The following CHRDL1 variants were observed in gnomAD, a reference collection of about 807,000 sequenced individuals.
CHRDL1 encodes chordin like 1.
CHRDL1 carries 19 observed loss-of-function variants against 40.9 expected under a neutral mutation model. The observed-to-expected ratio is 0.46, with a 90% CI of 0.32 to 0.68. CHRDL1 has a LOEUF of 0.68. Ranked by LOEUF, CHRDL1 falls within the 30% of genes least tolerant of loss-of-function variation. CHRDL1 has a pLI of 0.03. For missense variants in CHRDL1, 329 were observed against 352.1 expected, an observed-to-expected ratio of 0.93 and a Z score of 0.53; for synonymous variants, 136 against 123.4, an observed-to-expected ratio of 1.10 and a Z score of -0.68.
intron 2 of CHRDL1, among the ~76,000 whole-genome samples, chrX:110,778,581 T>C (rs1264768259): frequency 9.0e-6 from 1 of 111,676 alleles, no homozygotes; most frequent in African/African-American, 3.2e-5. Context: ...AGAATGGCTA[T>C]TACTAAAAAG....
intron 3 of CHRDL1, 49 bp from the exon 4 acceptor site, chrX:110,759,803 C>G (rs1362120034): frequency 1.0e-6 from 1 of 954,466 alleles, no homozygotes; most frequent in Non-Finnish European, 1.5e-6. Context: ...TCAAAGGTCG[C>G]TGGGATCAAG....
chrX:110,683,762 G>A (rs1252220413), intron 9 of CHRDL1, among the ~76,000 whole-genome samples: 1 of 111,528 alleles, frequency 9.0e-6, no homozygotes, highest in Non-Finnish European at 1.9e-5. Flanking sequence ...GCTCATCCCT[G>A]GGGCTGCACA....
At chrX:110,709,591 A>G (rs892537206) in intron 6 of CHRDL1, among the ~76,000 whole-genome samples, 1 of 112,597 alleles carries the variant, frequency 8.9e-6, no homozygotes, top group Non-Finnish European at 1.9e-5. Flanking sequence ...TTTTTAAAAA[A>G]GAGTTTGCAT....
chrX:110,780,196 T>A (rs2089918288), intron 2 of CHRDL1, among the ~76,000 whole-genome samples: 1 of 110,941 alleles, frequency 9.0e-6, no homozygotes, highest in Non-Finnish European at 1.9e-5. Flanking sequence ...TCTTACTGCA[T>A]CTATTGTTGA....
chrX:110,777,876 T>C (rs1222643030), intron 2 of CHRDL1, among the ~76,000 whole-genome samples: 3 of 111,737 alleles, frequency 2.7e-5, no homozygotes, highest in Non-Finnish European at 5.7e-5. Flanking sequence ...ATCAATTCTT[T>C]CTTTCTTGGA....
chrX:110,694,098 C>T, intron 8 of CHRDL1, 65 bp downstream of exon 8: 1 of 925,239 alleles, frequency 1.1e-6, no homozygotes, highest in Non-Finnish European at 1.5e-6. Context: ...CCAGCTCCAG[C>T]CCTGCAAAGA....
intron 6 of CHRDL1, among the ~76,000 whole-genome samples, chrX:110,713,540 A>T (rs1192245195): frequency 8.9e-6 from 1 of 111,818 alleles, no homozygotes; most frequent in African/African-American, 3.3e-5. Context: ...ACTCCCCTGT[A>T]CTAGGAGATA....
intron 6 of CHRDL1, among the ~76,000 whole-genome samples, chrX:110,712,906 C>T (rs148976131): frequency 0.015 from 1,621 of 111,078 alleles, 24 homozygotes; most frequent in African/African-American, 0.05. Context: ...AAAGAAAATT[C>T]CTAGATTAGG....
chrX:110,723,016 C>T lies in CHRDL1; in HGVS notation c.302-1486G>A, dbSNP rs1164354702. On this transcript the variant is annotated intron_variant, in intron 4 of 11. Transcript: ENST00000372042. ...CTGTAATCCCAGCACTTTGGGAGGC[C>T]GAGGCGGGCGGATCACGAGGTCAGG... is the stretch of plus-strand genomic sequence containing the variant. Among the ~76,000 whole-genome samples, 7 of 111,081 alleles carry T rather than the reference C, an allele frequency of 6.3e-5. No homozygotes were observed. The East Asian group carries it at 1.1e-3, about 18-fold the overall frequency.
intron 6 of CHRDL1, among the ~76,000 whole-genome samples, chrX:110,716,348 T>G (rs2070841611): frequency 9.1e-6 from 1 of 110,172 alleles, no homozygotes; most frequent in Admixed American, 9.9e-5. Context: ...CAATCTAGTG[T>G]GCATTCATTT....
At chrX:110,727,154 C>T (rs974175573) in intron 4 of CHRDL1, among the ~76,000 whole-genome samples, 124 of 111,857 alleles carry the variant, frequency 1.1e-3, no homozygotes, top group Middle Eastern at 4.6e-3. Flanking sequence ...GGAGGAGTAT[C>T]AACTGCATCA....
intron 4 of CHRDL1, among the ~76,000 whole-genome samples, chrX:110,748,091 T>C (rs746140805): frequency 1.8e-5 from 2 of 112,048 alleles, no homozygotes; most frequent in East Asian, 2.8e-4. Context: ...AGAAAGCTGA[T>C]CAGCCTCCTC....
In CHRDL1 at chrX:110,744,996, T is replaced by C. The variant is rs201830767; in HGVS notation, c.301+14665A>G. Among the ~76,000 whole-genome samples, 99 of 99,188 alleles carry C rather than the reference T, an allele frequency of 1.0e-3. 1 individual carries two copies. The highest frequency in any genetic ancestry group is 3.8e-3 in the East Asian group (12 of 3,172). 86.1% of individuals were successfully genotyped at this position (99,188 alleles called of 115,157 possible). On this transcript the variant is annotated intron_variant, in intron 4 of 11. Coordinates refer to ENST00000372042, the MANE Select transcript of CHRDL1 (RefSeq NM_001143981.2). ...ACACACACACACACACACACACACA[T>C]ACATACCACACAATGTCACCCACTC... is the stretch of plus-strand genomic sequence containing the variant.
At chrX:110,737,888 T>TC (rs1291460355) in intron 4 of CHRDL1, among the ~76,000 whole-genome samples, 5 of 111,408 alleles carry the variant, frequency 4.5e-5, no homozygotes, top group African/African-American at 1.6e-4. Context: ...GGCCAACTTT[T>TC]CCCCAGGGGA....
chrX:110,678,103 AAAAT>A (rs746985691), intron 11 of CHRDL1, among the ~76,000 whole-genome samples: 7 of 111,700 alleles, frequency 6.3e-5, no homozygotes, highest in Non-Finnish European at 9.4e-5. Context: ...AAAAAATAAA[AAAAT>A]AAATAAAGCA....
intron 1 of CHRDL1, among the ~76,000 whole-genome samples, chrX:110,794,723 T>C (rs990929902): frequency 8.9e-6 from 1 of 111,917 alleles, no homozygotes; most frequent in East Asian, 2.8e-4. Flanking sequence ...CAAAGAGACA[T>C]CCCCACAGGA....
rs764681221 is a variant in CHRDL1 at position 110,708,425 on chromosome X, T to C, written c.542-7704A>G. Among the ~76,000 whole-genome samples, 8 of 110,444 alleles carry C rather than the reference T, an allele frequency of 7.2e-5. No individual in the cohort carries two copies. The East Asian group carries it at 2.3e-3, about 31-fold the overall frequency. On this transcript the variant is annotated intron_variant, in intron 6 of 11. Transcript: ENST00000372042. ...TCAATGATAGATGGGATAAAGAAAA[T>C]GTGACACATATACACCATGGAATAC...
intron 4 of CHRDL1, among the ~76,000 whole-genome samples, chrX:110,728,996 G>A (rs1227608253): frequency 8.9e-6 from 1 of 111,842 alleles, no homozygotes; most frequent in Non-Finnish European, 1.9e-5. Flanking sequence ...GCGTGGTGGC[G>A]GGAGCCTGTT....
intron 2 of CHRDL1, among the ~76,000 whole-genome samples, chrX:110,785,985 G>C (rs1272234990): frequency 8.9e-6 from 1 of 111,951 alleles, no homozygotes; most frequent in Non-Finnish European, 1.9e-5. Flanking sequence ...TTTAATATTT[G>C]CCTTCTTCCT....
Sources: allele counts gnomAD v4.1 joint callset (sites outside exome capture counted in the v4.1 genomes callset), GRCh38; gene constraint gnomAD v4.1.1; transcripts MANE v1.5; gene names NCBI Gene and HGNC (gene_info 2026-07-23, HGNC 2026-07-21).